The following NOX4 variants were observed in gnomAD, a reference collection of about 807,000 sequenced individuals.
The protein encoded by NOX4 is kidney oxidase-1.
Under a neutral mutation model 87.6 loss-of-function variants are expected in NOX4, and 69 were observed. The ratio of observed to expected loss-of-function variants is 0.79; its 90% CI spans 0.65 to 0.96. NOX4 has a LOEUF of 0.96. NOX4 is among the 40% of genes least tolerant of loss of function. The pLI is 0.00. For synonymous variants in NOX4, 275 were observed against 238.2 expected (o/e 1.15, Z -1.42); for missense variants, 680 against 681.5 (o/e 1.00, Z 0.02).
intron 12 of NOX4, among the ~76,000 whole-genome samples, chr11:89,372,138 C>G (rs1024397133): frequency 6.6e-6 from 1 of 151,184 alleles, no homozygotes; most frequent in Non-Finnish European, 1.5e-5. Context: ...ACCTTCTTAA[C>G]TTGTATTCAC....
intron 2 of NOX4, among the ~76,000 whole-genome samples, chr11:89,454,723 G>C (rs1945113860): frequency 6.6e-6 from 1 of 152,078 alleles, no homozygotes; most frequent in African/African-American, 2.4e-5. Flanking sequence ...TCTACAGAAA[G>C]CTGACATAGT....
intron 5 of NOX4, 117 bp from the exon 6 acceptor site, chr11:89,440,832 C>A (rs1007667234): frequency 3.9e-6 from 2 of 510,934 alleles, no homozygotes; most frequent in Non-Finnish European, 6.9e-6. Flanking sequence ...TACTGTTCAT[C>A]CAACGGAAGT....
At chr11:89,480,053 G>A (rs1946329692) in intron 2 of NOX4, among the ~76,000 whole-genome samples, 2 of 152,098 alleles carry the variant, frequency 1.3e-5, no homozygotes, top group Non-Finnish European at 2.9e-5. Flanking sequence ...TTCATATCCT[G>A]CAAATCCACA....
At chr11:89,443,853 A>G (rs1944564829) in intron 5 of NOX4, 1 of 312,754 alleles carries the variant, frequency 3.2e-6, no homozygotes. Context: ...TAGGAATTAG[A>G]CAAAAGCTGC....
chr11:89,535,506 C>T, the NOX4 span, among the ~76,000 whole-genome samples: 2,155 of 152,232 alleles, frequency 0.014, 42 homozygotes, highest in African/African-American at 0.045. Context: ...CCAAAGAACG[C>T]CAGATGTTGT....
chr11:89,376,508 G>T (rs944266655), intron 11 of NOX4, among the ~76,000 whole-genome samples: 1 of 152,124 alleles, frequency 6.6e-6, no homozygotes, highest in African/African-American at 2.4e-5. Context: ...CCTAAAACAT[G>T]AATTAAAAGA....
At chr11:89,352,131 G>A (rs942654950) in intron 13 of NOX4, among the ~76,000 whole-genome samples, 2 of 152,100 alleles carry the variant, frequency 1.3e-5, no homozygotes, top group African/African-American at 4.8e-5. Context: ...TAGGAAGTGG[G>A]TGAATAATGA....
chr11:89,419,420 T>C (rs1470289318), intron 8 of NOX4, among the ~76,000 whole-genome samples: 1 of 152,006 alleles, frequency 6.6e-6, no homozygotes, highest in Non-Finnish European at 1.5e-5. Context: ...TTCATCAGTA[T>C]AGTTTTTTTT....
chr11:89,339,198 A>C (rs745906276), intron 15 of NOX4, among the ~76,000 whole-genome samples: 20 of 152,184 alleles, frequency 1.3e-4, no homozygotes, highest in African/African-American at 4.8e-4. Context: ...AGAATTGTTC[A>C]GTAAACTAGA....
intron 2 of NOX4, among the ~76,000 whole-genome samples, chr11:89,483,166 T>C (rs978009345): frequency 2.0e-5 from 3 of 152,096 alleles, no homozygotes; most frequent in Admixed American, 1.3e-4. Flanking sequence ...AATGAGATTA[T>C]AAAAGGGGCC....
chr11:89,374,076 G>T (rs1475103723), intron 11 of NOX4, among the ~76,000 whole-genome samples: 1 of 151,970 alleles, frequency 6.6e-6, no homozygotes, highest in Admixed American at 6.6e-5. Context: ...GTGCTTTATG[G>T]TCCCATATTT....
chr11:89,449,459 AACACC>A lies in NOX4; in HGVS notation c.325_329del (p.Gly109TyrfsTer26). ...TCTCACCTGAGAAAATACAGATAGT[AACACC>A]ACAGGTAATATGGAATGTTCTGCTT... On this transcript the variant is annotated frameshift_variant, in exon 4 of 18. Coordinates refer to ENST00000263317, the MANE Select transcript of NOX4 (RefSeq NM_016931.5). LOFTEE classifies it high-confidence loss of function. The A allele has an allele frequency of 1.2e-6, 2 of 1,610,236 alleles. No individual in the cohort carries two copies. Among genetic ancestry groups the A allele is most frequent in the South Asian group, 2.2e-5 (2 of 90,426 alleles).
At chr11:89,583,463 A>G in the NOX4 span, among the ~76,000 whole-genome samples, 1 of 152,202 alleles carries the variant, frequency 6.6e-6, no homozygotes, top group African/African-American at 2.4e-5. Context: ...TTCCCTTTCC[A>G]CATTGAAATG....
intron 8 of NOX4, among the ~76,000 whole-genome samples, chr11:89,416,288 G>T (rs1942766165): frequency 6.6e-6 from 1 of 152,174 alleles, no homozygotes; most frequent in African/African-American, 2.4e-5. Context: ...GAATAGGATT[G>T]TTTAAAATAC....
chr11:89,371,074 G>A lies in NOX4; in HGVS notation c.1135+2358C>T, dbSNP rs528246694. ...TCCTATACCTACTGCTCTTAATACC[G>A]AGTTTTAATCAATTCTTTTAGAATA... On this transcript the variant is annotated intron_variant, in intron 12 of 17. Transcript: ENST00000263317. 1.3e-4 allele frequency among the ~76,000 whole-genome samples: 19 copies of A among 151,902 alleles called. No homozygotes were observed. The South Asian group carries it at 1.7e-3, about 13-fold the overall frequency.
the NOX4 span, among the ~76,000 whole-genome samples, chr11:89,570,715 C>A: frequency 6.6e-6 from 1 of 152,048 alleles, no homozygotes; most frequent in African/African-American, 2.4e-5. Flanking sequence ...CCTGTAGTTG[C>A]AGAGAGGAGG....
the NOX4 span, among the ~76,000 whole-genome samples, chr11:89,586,811 T>C: frequency 3.9e-5 from 6 of 152,100 alleles, no homozygotes; most frequent in Non-Finnish European, 8.8e-5. Context: ...TTTTAGAATA[T>C]TTCAGGAGGA....
In NOX4 at chr11:89,326,389, T is replaced by G. The variant is rs1397021862; in HGVS notation, c.*367A>C. The G allele has an allele frequency of 6.4e-6, 1 of 156,376 alleles. No homozygotes were observed. Among genetic ancestry groups the G allele is most frequent in the Non-Finnish European group, 1.4e-5 (1 of 70,850 alleles). 9.7% of individuals were successfully genotyped at this position (156,376 alleles called of 1,614,324 possible). A position where few individuals can be genotyped will look rare whatever the true frequency, so the allele number is the denominator to read the frequency against. On this transcript the variant is annotated 3_prime_UTR_variant, in exon 18 of 18. Transcript: ENST00000263317. ...TAATTTTGTTCAATCTTGCATTTGTTCAACCAAAAACAATTTAAAGAGGAA... is the reference window on the plus strand; with the variant it reads ...TAATTTTGTTCAATCTTGCATTTGTGCAACCAAAAACAATTTAAAGAGGAA...
At chr11:89,459,387 C>A (rs1241190068) in intron 2 of NOX4, among the ~76,000 whole-genome samples, 1 of 152,084 alleles carries the variant, frequency 6.6e-6, no homozygotes, top group African/African-American at 2.4e-5. Context: ...TACACTAAAT[C>A]CCCATGAAAC....
Sources: gnomAD v4.1 joint callset for allele counts (sites outside exome capture counted in the v4.1 genomes callset) on GRCh38, gnomAD v4.1.1 for gene constraint, MANE v1.5 for transcripts, NCBI Gene and HGNC (gene_info 2026-07-23, HGNC 2026-07-21) for gene names.